The following POLR2F variants were observed in gnomAD, a reference collection of about 807,000 sequenced individuals.
POLR2F encodes the protein DNA-directed RNA polymerases I, II, and III subunit RPABC2.
Under a neutral mutation model 22.7 loss-of-function variants are expected in POLR2F, and 12 were observed. The ratio of observed to expected loss-of-function variants is 0.53; its 90% CI spans 0.34 to 0.86. The LOEUF (loss-of-function observed/expected upper bound fraction) is 0.86. Ranked by LOEUF, POLR2F falls within the 40% of genes least tolerant of loss-of-function variation. The pLI is 0.02. For synonymous variants in POLR2F, 57 were observed against 66.0 expected, an observed-to-expected ratio of 0.86 and a Z score of 0.66; for missense variants, 126 against 171.5, an observed-to-expected ratio of 0.73 and a Z score of 1.48.
At chr22:38,039,329 C>T (rs1027671220) in intron 5 of POLR2F, among the ~76,000 whole-genome samples, 1 of 152,200 alleles carries the variant, frequency 6.6e-6, no homozygotes, top group Non-Finnish European at 1.5e-5. Flanking sequence ...AAGAGTCTGC[C>T]GTCCGGGGAC....
upstream of POLR2F, chr22:37,953,695 A>T: frequency 6.8e-7 from 1 of 1,481,290 alleles, no homozygotes; most frequent in Non-Finnish European, 9.1e-7. Flanking sequence ...CGCAGGCGCA[A>T]GATAAGCTAG....
chr22:38,012,502 A>T (rs1487770024), intron 1 of POLR2F, among the ~76,000 whole-genome samples: 1 of 152,224 alleles, frequency 6.6e-6, no homozygotes, highest in Non-Finnish European at 1.5e-5. Flanking sequence ...CATAACTATG[A>T]TACACTTACT....
rs1363625617 is a variant in POLR2F, at chr22:38,016,704, G to A, written c.121-9165G>A. On this transcript the variant is annotated intron_variant, in intron 1 of 2. Transcript: ENST00000333418. This position sits in a 1 kb window ranked among gnomAD's most constrained non-coding sequence, Gnocchi z 4.4. Reference sequence around the variant, plus strand: ...TTTGGCAGCGGTTCCAGCCCTGGGCGGGTGGAAAGAGTGCTGGCACGCACC... The same window carrying A: ...TTTGGCAGCGGTTCCAGCCCTGGGCAGGTGGAAAGAGTGCTGGCACGCACC... 1.3e-5 allele frequency among the ~76,000 whole-genome samples: 2 copies of A among 151,934 alleles called. No homozygotes were observed. Among genetic ancestry groups the A allele is most frequent in the Non-Finnish European group, 2.9e-5 (2 of 67,882 alleles).
chr22:37,961,434 G>A (rs374486434), intron 3 of POLR2F, among the ~76,000 whole-genome samples: 5 of 152,122 alleles, frequency 3.3e-5, no homozygotes, highest in East Asian at 1.9e-4. Context: ...TTGAAAGCAC[G>A]CTAGAGAGAT....
intron 1 of POLR2F, among the ~76,000 whole-genome samples, chr22:38,003,954 C>T (rs1394030297): frequency 6.6e-6 from 1 of 152,068 alleles, no homozygotes; most frequent in Non-Finnish European, 1.5e-5. Context: ...GAGGGAGGTG[C>T]TGGAGAGTGG....
chr22:37,977,221 C>T (rs1359045142), intron 4 of POLR2F, among the ~76,000 whole-genome samples: 3 of 151,554 alleles, frequency 2.0e-5, no homozygotes, highest in Non-Finnish European at 4.4e-5. Flanking sequence ...ATTTCCTCTC[C>T]TCCATTTGCT....
Position 37,986,917 on chromosome 22 carries a change from G to A in POLR2F, c.120+605G>A, listed in dbSNP as rs1349498640. On this transcript the variant is annotated intron_variant, in intron 1 of 2. Transcript: ENST00000333418. The surrounding 1 kb of genome is among the most constrained non-coding windows in gnomAD (Gnocchi z 4.7). ...CTTGGAGAGGGGAGGGATCCTGGCTGAAGACACCTGGGCCTCTGCCCCAGC... is the reference window on the plus strand; with the variant it reads ...CTTGGAGAGGGGAGGGATCCTGGCTAAAGACACCTGGGCCTCTGCCCCAGC... The A allele has an allele frequency of 2.2e-6, 1 of 452,094 alleles. No individual in the cohort carries two copies. 28.0% of individuals were successfully genotyped at this position (452,094 alleles called of 1,614,324 possible).
intron 1 of POLR2F, chr22:37,988,242 A>G (rs1395256594): frequency 6.7e-6 from 1 of 150,130 alleles, no homozygotes; most frequent in Admixed American, 6.7e-5. Context: ...AGGCAGGAGA[A>G]TCACTTGAAC....
intron 1 of POLR2F, among the ~76,000 whole-genome samples, chr22:38,009,248 C>T (rs1477391203): frequency 6.6e-6 from 1 of 152,128 alleles, no homozygotes; most frequent in East Asian, 1.9e-4. Flanking sequence ...AGTGGGGCTG[C>T]GAGGGTTTCA....
intron 4 of POLR2F, among the ~76,000 whole-genome samples, chr22:37,976,825 A>G (rs1011428227): frequency 1.3e-5 from 2 of 152,164 alleles, no homozygotes; most frequent in African/African-American, 4.8e-5. Flanking sequence ...TGTTATTATC[A>G]TTAATGAAAA....
At chr22:37,996,041 G>A (rs1327409306) in intron 1 of POLR2F, among the ~76,000 whole-genome samples, 1 of 151,906 alleles carries the variant, frequency 6.6e-6, no homozygotes, top group Non-Finnish European at 1.5e-5. Flanking sequence ...GGTTAGATGA[G>A]GCTGTCCAGG....
At chr22:37,989,428 A>G (rs543656855) in intron 1 of POLR2F, among the ~76,000 whole-genome samples, 2 of 152,318 alleles carry the variant, frequency 1.3e-5, no homozygotes, top group East Asian at 3.9e-4. Context: ...CCACGGCCTC[A>G]CAGTCAGGAG....
chr22:37,997,733 C>G lies in POLR2F; in HGVS notation c.120+11421C>G, dbSNP rs2084728823. ...CGTGCCTGTGCCCAGCTCCGCATCT[C>G]CCTCTTCCCATTTCCAGCTTCCCTG... is the stretch of plus-strand genomic sequence containing the variant. On this transcript the variant is annotated intron_variant, in intron 1 of 2. Transcript: ENST00000333418. This position sits in a 1 kb window ranked among gnomAD's most constrained non-coding sequence, Gnocchi z 4.4. 6.6e-6 allele frequency among the ~76,000 whole-genome samples: 1 copy of G among 152,284 alleles called. No homozygotes were observed. The highest frequency in any genetic ancestry group is 1.9e-4 in the East Asian group (1 of 5,186).
chr22:38,040,348 C>G (rs1020887745), intron 5 of POLR2F: 1 of 137,544 alleles, frequency 7.3e-6, no homozygotes, highest in Non-Finnish European at 1.6e-5. Flanking sequence ...AATGGCAAAA[C>G]TGGTGGGGAG....
chr22:38,003,326 G>C (rs1038276016), intron 1 of POLR2F, among the ~76,000 whole-genome samples: 1 of 151,454 alleles, frequency 6.6e-6, no homozygotes, highest in Admixed American at 6.6e-5. Flanking sequence ...TCCCGGGTTC[G>C]AGCGATTCTC....
intron 1 of POLR2F, among the ~76,000 whole-genome samples, chr22:38,011,437 A>C (rs2084870956): frequency 6.6e-6 from 1 of 150,796 alleles, no homozygotes; most frequent in African/African-American, 2.4e-5. Context: ...TTTTAAAAAT[A>C]TGTTGTCAGA....
intron 1 of POLR2F, among the ~76,000 whole-genome samples, chr22:38,022,885 C>G (rs1038973801): frequency 6.6e-6 from 1 of 152,072 alleles, no homozygotes; most frequent in Non-Finnish European, 1.5e-5. Flanking sequence ...ATGGTGGGCA[C>G]CTGTAATCCC....
rs566574601 is a variant in POLR2F at position 38,017,203 on chromosome 22, C to G, written c.121-8666C>G. 6.6e-6 allele frequency among the ~76,000 whole-genome samples: 1 copy of G among 152,340 alleles called. No individual in the cohort carries two copies. The highest frequency in any genetic ancestry group is 2.4e-5 in the African/African-American group (1 of 41,574). On this transcript the variant is annotated intron_variant, in intron 1 of 2. Transcript: ENST00000333418. This position sits in a 1 kb window ranked among gnomAD's most constrained non-coding sequence, Gnocchi z 4.1. Reference sequence around the variant, plus strand: ...GCCTAAAGCCTGCAAAACTGGTGTGCTGGGGAAGAAAGGCTCCTCTGGGGG... The same window carrying G: ...GCCTAAAGCCTGCAAAACTGGTGTGGTGGGGAAGAAAGGCTCCTCTGGGGG...
chr22:38,038,517 C>T (rs1460069706), intron 5 of POLR2F, among the ~76,000 whole-genome samples: 4 of 152,134 alleles, frequency 2.6e-5, no homozygotes, highest in African/African-American at 7.2e-5. Flanking sequence ...GTCGTCCAGG[C>T]GTTGAGTGTG....
Sources: gnomAD v4.1 joint callset for allele counts (sites outside exome capture counted in the v4.1 genomes callset) on GRCh38, gnomAD v4.1.1 for gene constraint, Gnocchi (gnomAD v3.1) non-coding constraint, MANE v1.5 for transcripts, NCBI Gene and HGNC (gene_info 2026-07-23, HGNC 2026-07-21) for gene names.